CARS2: variants seen among roughly 807,000 people sequenced by gnomAD.
CARS2 encodes cysteinyl-tRNA synthetase 2, mitochondrial, also known as probable cysteine--tRNA ligase, mitochondrial.
In CARS2, 52 loss-of-function variants were observed where a neutral mutation model predicts 68.8. The observed-to-expected ratio is 0.76, with a 90% CI of 0.61 to 0.95. The LOEUF (loss-of-function observed/expected upper bound fraction) is 0.95, where lower values mean the gene tolerates loss of function less well. Ranked by LOEUF, CARS2 falls within the 40% of genes least tolerant of loss-of-function variation. The probability of loss-of-function intolerance (pLI) is 0.00; values close to 1 mark genes in which losing one functional copy is unlikely to be tolerated. For synonymous variants in CARS2, 314 were observed against 303.6 expected, an observed-to-expected ratio of 1.03 and a Z score of -0.36; for missense variants, 780 against 754.2, an observed-to-expected ratio of 1.03 and a Z score of -0.40.
At chr13:110,691,377 C>T (rs112916717) in intron 3 of CARS2, among the ~76,000 whole-genome samples, 1 of 152,152 alleles carries the variant, frequency 6.6e-6, no homozygotes, top group African/African-American at 2.4e-5. Flanking sequence ...CATTTTTCCA[C>T]AGTTTTTCAA....
chr13:110,697,832 GGCTAGAACT>G (rs1566347858), intron 3 of CARS2: 15 of 402,446 alleles, frequency 3.7e-5, no homozygotes, highest in South Asian at 2.2e-4. Context: ...ATTGGGAAAA[GGCTAGAACT>G]GCTAAACAGC....
intron 1 of CARS2, chr13:110,712,628 T>C (rs1465113796): frequency 2.0e-6 from 1 of 493,766 alleles, no homozygotes; most frequent in South Asian, 1.9e-5. Flanking sequence ...TTTGGGAGGG[T>C]AGAGGGGCGA....
intron 8 of CARS2, chr13:110,664,286 C>G (rs1379317996): frequency 1.3e-6 from 1 of 761,900 alleles, no homozygotes; most frequent in Non-Finnish European, 1.6e-6. Flanking sequence ...GTGGAAGGAC[C>G]GCTTGAGCCC....
chr13:110,648,881 C>G (rs1425616775), intron 10 of CARS2: 1 of 152,148 alleles, frequency 6.6e-6, no homozygotes. Context: ...CCACAATCTG[C>G]GAGAAGGGAG....
chr13:110,712,360 C>T lies in CARS2; in HGVS notation n.399+777G>A, dbSNP rs565203044. The T allele has an allele frequency of 3.0e-5, 5 of 164,590 alleles. 1 individual carries two copies. The South Asian group carries it at 5.3e-4, about 17-fold the overall frequency. The allele number at this position is 164,590 out of a possible 1,614,324, so 10.2% of individuals were successfully genotyped here. ...AAGGCGGAAGAAAATCAGAGAAAAG[C>T]AGGCAGCCAAGCGTGGCGAACACAG... On this transcript the variant is annotated intron_variant and non_coding_transcript_variant, in intron 1 of 2. Transcript: ENST00000485188.
chr13:110,701,379 G>T (rs2063780413), intron 3 of CARS2, 59 bp downstream of exon 3: 11 of 855,700 alleles, frequency 1.3e-5, no homozygotes. Context: ...CCACTTTCAG[G>T]AAGGGCTCAG....
chr13:110,658,480 G>A (rs142365890), intron 9 of CARS2, among the ~76,000 whole-genome samples: 134 of 152,270 alleles, frequency 8.8e-4, no homozygotes, highest in African/African-American at 3.1e-3. Flanking sequence ...CTACTGAACT[G>A]TATGGTTAAG....
At chr13:110,646,808 A>G in intron 11 of CARS2, 1 of 342,598 alleles carries the variant, frequency 2.9e-6, no homozygotes, top group Non-Finnish European at 5.3e-6. Context: ...GGAGCCCCTG[A>G]CCCCACACCT....
upstream of CARS2, among the ~76,000 whole-genome samples, chr13:110,709,667 C>T (rs759066152): frequency 6.6e-6 from 1 of 152,052 alleles, no homozygotes; most frequent in Non-Finnish European, 1.5e-5. Flanking sequence ...CCTCAGCTTG[C>T]GGACAGTCTA....
rs118076045 is a variant in CARS2 at position 110,686,044 on chromosome 13, G to A, written c.571+1677C>T. ...AAAAAAAGAAAGAGGAGGGGAAAAA[G>A]TGAGGAGACTAAACCAACAAATGCA... On this transcript the variant is annotated intron_variant, in intron 5 of 14. Transcript: ENST00000257347. Among the ~76,000 whole-genome samples the A allele has an allele frequency of 3.8e-3, 569 of 149,370 alleles. 4 individuals carry two copies. Among genetic ancestry groups the A allele is most frequent in the Non-Finnish European group, 6.3e-3 (426 of 67,452 alleles).
At chr13:110,683,246 G>T in intron 5 of CARS2, 112 bp from the exon 6 acceptor site, 1 of 634,646 alleles carries the variant, frequency 1.6e-6, no homozygotes, top group Non-Finnish European at 2.5e-6. Context: ...ATAGCATTTG[G>T]CCCCATATAC....
chr13:110,656,815 C>T (rs409996), intron 9 of CARS2, among the ~76,000 whole-genome samples: 42,746 of 151,262 alleles, frequency 0.28, 6,731 homozygotes, highest in African/African-American at 0.39. Flanking sequence ...ACCCGGAAGG[C>T]GGAGCTTGCA....
At chr13:110,704,710 A>G (rs2063890223) in intron 2 of CARS2, among the ~76,000 whole-genome samples, 1 of 152,188 alleles carries the variant, frequency 6.6e-6, no homozygotes, top group African/African-American at 2.4e-5. Flanking sequence ...ACTGCACTCC[A>G]GCCTGGGCGA....
intron 5 of CARS2, among the ~76,000 whole-genome samples, chr13:110,683,517 A>T (rs950809557): frequency 6.6e-6 from 1 of 152,246 alleles, no homozygotes; most frequent in African/African-American, 2.4e-5. Context: ...TGAAAACACA[A>T]ATGTAAGTTC....
rs773154534 is a variant in CARS2, at chr13:110,701,435, T to C, written c.393+3A>G. 2 of 1,238,744 alleles carry C rather than the reference T, an allele frequency of 1.6e-6. No homozygotes were observed. The highest frequency in any genetic ancestry group is 2.4e-5 in the South Asian group (2 of 83,376). 76.7% of individuals were successfully genotyped at this position (1,238,744 alleles called of 1,614,324 possible). ...TCAATAGATGTAACTCTTCTCCACT[T>C]ACCTCATTGGCTCTTTTGATGATTT... On this transcript the variant is annotated splice_donor_region_variant and intron_variant, in intron 3 of 14. Transcript: ENST00000257347.
At chr13:110,657,043 A>G (rs1594261831) in intron 9 of CARS2, among the ~76,000 whole-genome samples, 1 of 152,206 alleles carries the variant, frequency 6.6e-6, no homozygotes, top group African/African-American at 2.4e-5. Context: ...AGAAGCCTTA[A>G]GTTTTACTCA....
rs766266851 is a variant in CARS2, at chr13:110,642,490, A to G, written c.1448T>C (p.Leu483Ser). 1 of 1,609,778 alleles carries G rather than the reference A, an allele frequency of 6.2e-7. No individual in the cohort carries two copies. The highest frequency in any genetic ancestry group is 2.2e-5 in the East Asian group (1 of 44,726). ...CACCAGCTCGTCCACCACACCATGC[A>G]AGGTAGCCTCGCTGCCGTCTCCTGA... ...YVSGDGSEAT[L>S]HGVVDELVRF... The change falls in exon 14 of 15, where the codon TTG becomes TCG. Residue 483 changes from leucine (L) to serine (S), a missense_variant. Leu to Ser is a moderately radical substitution (Grantham distance 145, BLOSUM62 -2). Coordinates refer to ENST00000257347, the MANE Select transcript of CARS2 (RefSeq NM_024537.4).
At chr13:110,697,370 A>G (rs2063653423) in intron 3 of CARS2, among the ~76,000 whole-genome samples, 1 of 152,250 alleles carries the variant, frequency 6.6e-6, no homozygotes, top group Non-Finnish European at 1.5e-5. Context: ...CAGTCTCTCA[A>G]TGATCTGACT....
At chr13:110,663,701 T>A in intron 8 of CARS2, 183 bp from the exon 9 acceptor site, 1 of 1,387,934 alleles carries the variant, frequency 7.2e-7, no homozygotes, top group Non-Finnish European at 9.3e-7. Flanking sequence ...AGACAGGACC[T>A]GCCCTTGTTC....
Sources: allele counts gnomAD v4.1 joint callset (sites outside exome capture counted in the v4.1 genomes callset), GRCh38; gene constraint gnomAD v4.1.1; transcripts MANE v1.5; gene names NCBI Gene and HGNC (gene_info 2026-07-23, HGNC 2026-07-21).